CDH13: variants seen among roughly 807,000 people sequenced by gnomAD.
CDH13 encodes the protein cadherin-13.
In CDH13, 24 loss-of-function variants were observed where a neutral mutation model predicts 63.8. The ratio of observed to expected loss-of-function variants is 0.38; its 90% confidence interval spans 0.27 to 0.53. CDH13 has a LOEUF of 0.53. Among genes scored for constraint, CDH13 ranks in the 20% least tolerant of loss-of-function variants. The pLI is 0.85. For missense variants in CDH13, 1,049 were observed against 903.1 expected (o/e 1.16, Z -2.07); for synonymous variants, 503 against 355.3 (o/e 1.42, Z -4.67).
chr16:83,355,525 T>C (rs934141910), intron 6 of CDH13, among the ~76,000 whole-genome samples: 29 of 152,194 alleles, frequency 1.9e-4, no homozygotes, highest in African/African-American at 7.0e-4. Context: ...AACAAATGGC[T>C]CCAAAGGCCA....
chr16:83,136,419 G>C (rs907615661), intron 4 of CDH13, among the ~76,000 whole-genome samples: 5 of 148,720 alleles, frequency 3.4e-5, no homozygotes, highest in Admixed American at 6.7e-5. Flanking sequence ...CCAGGAGGCA[G>C]AGTTTGTAGT....
intron 8 of CDH13, among the ~76,000 whole-genome samples, chr16:83,618,855 A>T (rs893741345): frequency 1.3e-5 from 2 of 152,198 alleles, no homozygotes; most frequent in Admixed American, 1.3e-4. Flanking sequence ...AAAGCAAGAA[A>T]ATATTCCACA....
chr16:82,850,038 T>G (rs1000640888), intron 1 of CDH13, among the ~76,000 whole-genome samples: 2 of 152,236 alleles, frequency 1.3e-5, no homozygotes, highest in African/African-American at 4.8e-5. Context: ...CTAATATAAT[T>G]TCCATTTTTC....
intron 1 of CDH13, among the ~76,000 whole-genome samples, chr16:82,667,944 C>T (rs986013312): frequency 1.3e-5 from 2 of 152,116 alleles, no homozygotes; most frequent in East Asian, 1.9e-4. Flanking sequence ...CTGTATTTGT[C>T]ACGCTGACCT....
chr16:83,495,712 A>AGCCACATTAT (rs1248564544), intron 7 of CDH13, among the ~76,000 whole-genome samples: 1 of 152,220 alleles, frequency 6.6e-6, no homozygotes, highest in Non-Finnish European at 1.5e-5. Flanking sequence ...CTGGAAAGTA[A>AGCCACATTAT]GCCACATTAT....
intron 10 of CDH13, among the ~76,000 whole-genome samples, chr16:83,744,976 C>T (rs1342694447): frequency 1.3e-5 from 2 of 152,206 alleles, no homozygotes; most frequent in African/African-American, 2.4e-5. Flanking sequence ...GAATCCCAAC[C>T]ATGCCCCATA....
At chr16:83,070,531 A>T (rs1269770593) in intron 3 of CDH13, among the ~76,000 whole-genome samples, 2 of 152,190 alleles carry the variant, frequency 1.3e-5, no homozygotes, top group Non-Finnish European at 2.9e-5. Flanking sequence ...GCCTTGGTGC[A>T]GTATTAAAAA....
intron 11 of CDH13, among the ~76,000 whole-genome samples, chr16:83,770,453 G>A (rs528542702): frequency 6.6e-6 from 1 of 152,286 alleles, no homozygotes; most frequent in South Asian, 2.1e-4. Flanking sequence ...ACTGGAAAGA[G>A]GTCCCGATCC....
chr16:83,268,593 G>C (rs960911645), intron 5 of CDH13, among the ~76,000 whole-genome samples: 1 of 152,108 alleles, frequency 6.6e-6, no homozygotes, highest in Admixed American at 6.6e-5. Context: ...ACGTTTCTAC[G>C]TTTTTTTGAC....
intron 10 of CDH13, among the ~76,000 whole-genome samples, chr16:83,744,612 G>C (rs1027899393): frequency 2.6e-5 from 4 of 152,166 alleles, no homozygotes; most frequent in Non-Finnish European, 4.4e-5. Context: ...CCAGGGGACC[G>C]TGTGAGTCAC....
chr16:83,497,194 A>G (rs1327340118), intron 7 of CDH13, among the ~76,000 whole-genome samples: 5 of 152,124 alleles, frequency 3.3e-5, no homozygotes, highest in African/African-American at 7.2e-5. Context: ...TCATGCTGCT[A>G]TAAAGACACA....
intron 6 of CDH13, among the ~76,000 whole-genome samples, chr16:83,438,648 C>G (rs1162620321): frequency 6.6e-6 from 1 of 152,222 alleles, no homozygotes; most frequent in Non-Finnish European, 1.5e-5. Context: ...CTATTCAGCT[C>G]TTTTATACTA....
At chr16:83,516,424 A>G (rs1308665594) in intron 7 of CDH13, among the ~76,000 whole-genome samples, 2 of 152,244 alleles carry the variant, frequency 1.3e-5, no homozygotes, top group Non-Finnish European at 2.9e-5. Flanking sequence ...TAAGCTAAGT[A>G]TAAGGCAGAA....
chr16:83,045,172 A>C (rs1917663827), intron 3 of CDH13, among the ~76,000 whole-genome samples: 1 of 152,196 alleles, frequency 6.6e-6, no homozygotes, highest in East Asian at 1.9e-4. Flanking sequence ...GTTAGCAATA[A>C]AAATTAATAC....
At chr16:83,718,271 T>C (rs1371589086) in intron 10 of CDH13, among the ~76,000 whole-genome samples, 2 of 152,160 alleles carry the variant, frequency 1.3e-5, no homozygotes, top group African/African-American at 2.4e-5. Flanking sequence ...CCAAGTAATA[T>C]CGTAGGCTGG....
intron 4 of CDH13, among the ~76,000 whole-genome samples, chr16:83,192,289 G>A (rs149964357): frequency 4.0e-4 from 61 of 152,264 alleles, no homozygotes; most frequent in East Asian, 9.7e-4. Flanking sequence ...AGGTAACTAC[G>A]TAGTGTCTGT....
intron 1 of CDH13, among the ~76,000 whole-genome samples, chr16:82,752,098 A>T (rs922552068): frequency 6.6e-6 from 1 of 152,260 alleles, no homozygotes; most frequent in Non-Finnish European, 1.5e-5. Flanking sequence ...AAGCAGCAGC[A>T]TGGGAAACAA....
At chr16:82,930,786 G>A (rs1453244592) in intron 2 of CDH13, among the ~76,000 whole-genome samples, 3 of 152,174 alleles carry the variant, frequency 2.0e-5, no homozygotes, top group African/African-American at 4.8e-5. Context: ...CACCCTAGGT[G>A]AGAAGGGCAG....
intron 1 of CDH13, among the ~76,000 whole-genome samples, chr16:82,654,078 G>T (rs16958017): frequency 0.35 from 52,951 of 151,924 alleles, 9,364 homozygotes; most frequent in Middle Eastern, 0.42. Flanking sequence ...ACATAAAGCC[G>T]CAAAAATTCT....
Sources: allele counts gnomAD v4.1 joint callset (sites outside exome capture counted in the v4.1 genomes callset), GRCh38; gene constraint gnomAD v4.1.1; transcripts MANE v1.5; gene names NCBI Gene and HGNC (gene_info 2026-07-23, HGNC 2026-07-21).